The following CNTN4 variants were observed in gnomAD, a reference collection of about 807,000 sequenced individuals.
The protein encoded by CNTN4 is contactin 4.
A neutral mutation model predicts 122.5 loss-of-function variants in CNTN4; 77 were observed. The observed-to-expected ratio is 0.63, with a 90% CI of 0.52 to 0.76. The LOEUF (loss-of-function observed/expected upper bound fraction) is 0.76. CNTN4 is among the 30% of genes least tolerant of loss of function. The pLI is 0.00. For missense variants in CNTN4, 1,256 were observed against 1,259.1 expected (o/e 1.00, Z 0.04); for synonymous variants, 512 against 447.0 (o/e 1.15, Z -1.83).
chr3:3,018,089 C>A (rs1697938327), intron 14 of CNTN4, among the ~76,000 whole-genome samples: 1 of 152,088 alleles, frequency 6.6e-6, no homozygotes, highest in African/African-American at 2.4e-5. Flanking sequence ...AAATGTAGAT[C>A]CTAATGACCC....
At chr3:2,767,432 T>C (rs958838296) in intron 6 of CNTN4, among the ~76,000 whole-genome samples, 3 of 152,238 alleles carry the variant, frequency 2.0e-5, no homozygotes, top group Non-Finnish European at 2.9e-5. Flanking sequence ...AATAAACGAA[T>C]TGTTTGCTTC....
intron 10 of CNTN4, among the ~76,000 whole-genome samples, chr3:2,898,632 A>G (rs984814692): frequency 1.1e-4 from 16 of 152,230 alleles, no homozygotes; most frequent in African/African-American, 2.9e-4. Flanking sequence ...CAGGAAATCT[A>G]TGACATTGAA....
rs539819519 is a variant in CNTN4, at chr3:2,108,820, A to G, written c.-145+8181A>G. Reference sequence around the variant, plus strand: ...TTGTGAAGATTATGTAGAGTACTACATGCAAAGTACAAGCAGGACAGTGCC... The same window carrying G: ...TTGTGAAGATTATGTAGAGTACTACGTGCAAAGTACAAGCAGGACAGTGCC... On this transcript the variant is annotated intron_variant, in intron 2 of 24. Transcript: ENST00000418658. Among the ~76,000 whole-genome samples, 190 of 152,362 alleles carry G rather than the reference A, an allele frequency of 1.2e-3. 1 individual carries two copies. Among genetic ancestry groups the G allele is most frequent in the Middle Eastern group, 6.8e-3 (2 of 294 alleles).
In CNTN4 at chr3:3,026,274, AG is replaced by A; in HGVS notation, c.1662+1del. ...RDGDHFERVG[G>X]QDSAGDLMIR... is the part of the protein sequence containing the mutation. Reference sequence around the variant, plus strand: ...ATGGGGACCACTTTGAAAGAGTTGGAGGGGTAAGTATTAATAGCAAAAACTG... The same window carrying A: ...ATGGGGACCACTTTGAAAGAGTTGGAGGGTAAGTATTAATAGCAAAAACTG... On this transcript the variant is annotated frameshift_variant and splice_region_variant, in exon 15 of 25. Transcript: ENST00000418658. LOFTEE classifies it high-confidence loss of function. 6.2e-7 allele frequency: 1 copy of A among 1,612,980 alleles called. No homozygotes were observed. The highest frequency in any genetic ancestry group is 2.2e-5 in the East Asian group (1 of 44,862).
intron 6 of CNTN4, among the ~76,000 whole-genome samples, chr3:2,809,154 A>C (rs1559526998): frequency 6.6e-6 from 1 of 152,318 alleles, no homozygotes; most frequent in Middle Eastern, 3.4e-3. Context: ...GTAGTTGCAG[A>C]TGGCGGCGGT....
At chr3:2,903,571 GC>G (rs2094198086) in intron 12 of CNTN4, among the ~76,000 whole-genome samples, 1 of 152,138 alleles carries the variant, frequency 6.6e-6, no homozygotes, top group African/African-American at 2.4e-5. Context: ...TGCATCGTCT[GC>G]CTGAAACGCT....
chr3:2,957,747 A>G (rs751048535), intron 13 of CNTN4, among the ~76,000 whole-genome samples: 2 of 145,376 alleles, frequency 1.4e-5, no homozygotes, highest in African/African-American at 2.6e-5. Flanking sequence ...CACTGCCTCT[A>G]TATTGTGACA....
intron 2 of CNTN4, among the ~76,000 whole-genome samples, chr3:2,227,240 T>C (rs2874252): frequency 0.18 from 27,273 of 152,166 alleles, 2,548 homozygotes; most frequent in Non-Finnish European, 0.21. Flanking sequence ...ATATTTTCAC[T>C]TTTCATTGTA....
chr3:2,401,882 C>T (rs2046871688), intron 3 of CNTN4, among the ~76,000 whole-genome samples: 1 of 152,158 alleles, frequency 6.6e-6, no homozygotes, highest in South Asian at 2.1e-4. Flanking sequence ...TTTAATCCTA[C>T]AAAAGCAATT....
intron 12 of CNTN4, among the ~76,000 whole-genome samples, chr3:2,907,553 A>T (rs1356845728): frequency 6.9e-6 from 1 of 145,810 alleles, no homozygotes; most frequent in Non-Finnish European, 1.5e-5. Context: ...AGCCTGGGTG[A>T]CAGAGTGAGA....
At chr3:2,415,996 A>C (rs2047397486) in intron 3 of CNTN4, among the ~76,000 whole-genome samples, 1 of 152,150 alleles carries the variant, frequency 6.6e-6, no homozygotes, top group South Asian at 2.1e-4. Context: ...TGGCATGAGA[A>C]TTGTTTAGTC....
At chr3:3,035,967 C>A (rs763093085) in intron 17 of CNTN4, among the ~76,000 whole-genome samples, 1 of 151,914 alleles carries the variant, frequency 6.6e-6, no homozygotes, top group Non-Finnish European at 1.5e-5. Context: ...CACTTCCATC[C>A]TGTTTCCCTT....
chr3:2,571,856 GCA>G (rs1453572070), intron 4 of CNTN4, among the ~76,000 whole-genome samples: 9 of 150,872 alleles, frequency 6.0e-5, no homozygotes, highest in Admixed American at 2.0e-4. Context: ...GTGCCCAGTT[GCA>G]CAGAGATATT....
In CNTN4 at chr3:3,001,432, C is replaced by G. The variant is rs181967555; in HGVS notation, c.1486+12960C>G. 7.4e-4 allele frequency among the ~76,000 whole-genome samples: 113 copies of G among 152,270 alleles called. 1 individual carries two copies. The highest frequency in any genetic ancestry group is 2.9e-3 in the Admixed American group (44 of 15,288). ...AGAGGACAGGCATGTTAGGAAACAT[C>G]AGGTGTGTTTAAATGTCAGCTATAG... On this transcript the variant is annotated intron_variant, in intron 14 of 24. Transcript: ENST00000418658.
At chr3:2,914,847 C>T (rs1332730762) in intron 12 of CNTN4, among the ~76,000 whole-genome samples, 4 of 147,310 alleles carry the variant, frequency 2.7e-5, no homozygotes, top group Non-Finnish European at 6.0e-5. Context: ...AGACCATAAC[C>T]CTGATGAACA....
intron 2 of CNTN4, among the ~76,000 whole-genome samples, chr3:2,328,293 C>G (rs577522420): frequency 3.6e-4 from 55 of 150,710 alleles, no homozygotes; most frequent in African/African-American, 1.2e-3. Context: ...GTAGTCCCAG[C>G]TACTCGGGAG....
chr3:2,975,739 G>T (rs1693357515), intron 13 of CNTN4, among the ~76,000 whole-genome samples: 1 of 151,984 alleles, frequency 6.6e-6, no homozygotes, highest in South Asian at 2.1e-4. Context: ...AAAGCTTCCT[G>T]AGTGCTTTAT....
intron 14 of CNTN4, among the ~76,000 whole-genome samples, chr3:3,024,180 C>A (rs566730285): frequency 6.6e-6 from 1 of 152,060 alleles, no homozygotes; most frequent in African/African-American, 2.4e-5. Context: ...AATCAGTGGG[C>A]AGCTGTTTAA....
chr3:3,026,332 A>G, intron 15 of CNTN4, 55 bp downstream of exon 15: 2 of 1,428,764 alleles, frequency 1.4e-6, no homozygotes, highest in Non-Finnish European at 2.0e-6. Context: ...CCAACTTAAC[A>G]ATATATTTAA....
Sources: gnomAD v4.1 joint callset for allele counts (sites outside exome capture counted in the v4.1 genomes callset) on GRCh38, gnomAD v4.1.1 for gene constraint, MANE v1.5 for transcripts, NCBI Gene and HGNC (gene_info 2026-07-23, HGNC 2026-07-21) for gene names.